Variants in PSD3 observed in about 807,000 individuals in gnomAD.
The protein encoded by PSD3 is pleckstrin and Sec7 domain containing 3.
Under a neutral mutation model 105.5 loss-of-function variants are expected in PSD3, and 49 were observed. The ratio of observed to expected loss-of-function variants is 0.46; its 90% CI spans 0.37 to 0.59. The LOEUF is 0.59. Ranked by LOEUF, PSD3 falls within the 20% of genes least tolerant of loss-of-function variation. The probability of loss-of-function intolerance (pLI) is 0.00; values close to 1 mark genes in which losing one functional copy is unlikely to be tolerated. For missense variants in PSD3, 1,561 were observed against 1,263.8 expected, an observed-to-expected ratio of 1.24 and a Z score of -3.57; for synonymous variants, 557 against 457.8, an observed-to-expected ratio of 1.22 and a Z score of -2.77.
chr8:18,768,211 G>A (rs892686065), intron 8 of PSD3, among the ~76,000 whole-genome samples: 2 of 151,580 alleles, frequency 1.3e-5, no homozygotes, highest in Admixed American at 6.6e-5. Context: ...ACTTGAACCC[G>A]GGAGGTGGAG....
At chr8:18,821,060 T>A (rs1352508986) in intron 4 of PSD3, among the ~76,000 whole-genome samples, 1 of 152,212 alleles carries the variant, frequency 6.6e-6, no homozygotes, top group East Asian at 1.9e-4. Flanking sequence ...AGCCTAACGT[T>A]TAATGTTTAA....
chr8:18,666,616 GGA>G (rs1487251683), intron 9 of PSD3, among the ~76,000 whole-genome samples: 1 of 152,180 alleles, frequency 6.6e-6, no homozygotes, highest in Middle Eastern at 3.4e-3. Flanking sequence ...GGAAGGCCAG[GGA>G]GAGACTCCGG....
intron 9 of PSD3, among the ~76,000 whole-genome samples, chr8:18,693,970 T>C (rs1252189194): frequency 1.3e-5 from 2 of 152,190 alleles, no homozygotes; most frequent in African/African-American, 2.4e-5. Flanking sequence ...TAAGTAGTGA[T>C]GATGGGTAGT....
chr8:18,619,108 C>A (rs936646004), intron 11 of PSD3, among the ~76,000 whole-genome samples: 3 of 152,008 alleles, frequency 2.0e-5, no homozygotes, highest in African/African-American at 7.2e-5. Context: ...ATTCTTAGGT[C>A]TATCTAGTGT....
chr8:18,559,775 A>G (rs1801285937), intron 14 of PSD3, among the ~76,000 whole-genome samples: 4 of 152,134 alleles, frequency 2.6e-5, no homozygotes, highest in Admixed American at 2.6e-4. Context: ...TATTTTAATG[A>G]GGAATACAGG....
chr8:18,958,025 TTAA>T (rs1289710337), intron 1 of PSD3, among the ~76,000 whole-genome samples: 1 of 152,186 alleles, frequency 6.6e-6, no homozygotes, highest in African/African-American at 2.4e-5. Context: ...AACTCAACTC[TTAA>T]TAATTTATTC....
chr8:18,858,418 G>C (rs954898061), intron 4 of PSD3, among the ~76,000 whole-genome samples: 1 of 152,182 alleles, frequency 6.6e-6, no homozygotes. Context: ...GGTGGTGGTT[G>C]CAGAAGGTTG....
chr8:18,678,668 G>A (rs551728442), intron 9 of PSD3, among the ~76,000 whole-genome samples: 16 of 142,122 alleles, frequency 1.1e-4, no homozygotes, highest in South Asian at 9.7e-4. Context: ...AAAATTAGCC[G>A]GACGTGGTGG....
intron 1 of PSD3, among the ~76,000 whole-genome samples, chr8:18,945,117 T>C (rs544286327): frequency 6.6e-6 from 1 of 152,162 alleles, no homozygotes; most frequent in South Asian, 2.1e-4. Context: ...CTCACTGTGG[T>C]AGACTAAATA....
intron 1 of PSD3, among the ~76,000 whole-genome samples, chr8:19,056,321 C>T (rs145703122): frequency 6.6e-6 from 1 of 152,310 alleles, no homozygotes; most frequent in Admixed American, 6.5e-5. Flanking sequence ...TCGAGCCAGT[C>T]AGAAACTGGG....
At chr8:19,072,332 C>G (rs1407315097) in intron 1 of PSD3, among the ~76,000 whole-genome samples, 1 of 149,266 alleles carries the variant, frequency 6.7e-6, no homozygotes. Flanking sequence ...CGTGATCCGC[C>G]CACCTCGGCC....
intron 1 of PSD3, among the ~76,000 whole-genome samples, chr8:19,048,631 G>T (rs888062221): frequency 1.3e-5 from 2 of 151,818 alleles, no homozygotes; most frequent in South Asian, 2.1e-4. Flanking sequence ...GAAATGCTGA[G>T]TTGACAGCCG....
At chr8:18,993,742 G>T (rs1366282512) in intron 1 of PSD3, among the ~76,000 whole-genome samples, 1 of 151,992 alleles carries the variant, frequency 6.6e-6, no homozygotes, top group Non-Finnish European at 1.5e-5. Flanking sequence ...TTAAATCGAA[G>T]ATCAATCAGA....
chr8:18,620,345 T>TTTTG (rs1806019955), intron 11 of PSD3, among the ~76,000 whole-genome samples: 1 of 142,414 alleles, frequency 7.0e-6, no homozygotes, highest in Admixed American at 7.0e-5. Context: ...GGTTTGTGTT[T>TTTTG]TTTTTTTTTT....
intron 4 of PSD3, among the ~76,000 whole-genome samples, chr8:18,850,659 G>A (rs896164205): frequency 2.0e-5 from 3 of 152,134 alleles, no homozygotes; most frequent in African/African-American, 7.2e-5. Flanking sequence ...CAAGGTAAAG[G>A]AGAAGTAGAA....
intron 2 of PSD3, among the ~76,000 whole-genome samples, chr8:18,929,816 A>AG (rs1002656352): frequency 6.7e-6 from 1 of 148,940 alleles, no homozygotes; most frequent in Non-Finnish European, 1.5e-5. Context: ...AGATAATCTC[A>AG]GGGGGAAAAA....
At chr8:18,731,874 T>C (rs940000477) in intron 9 of PSD3, among the ~76,000 whole-genome samples, 1 of 152,206 alleles carries the variant, frequency 6.6e-6, no homozygotes, top group South Asian at 2.1e-4. Context: ...ATGTTTACCC[T>C]AGATCCTTCT....
At chr8:19,039,854 T>C (rs1828064305) in intron 1 of PSD3, among the ~76,000 whole-genome samples, 1 of 152,302 alleles carries the variant, frequency 6.6e-6, no homozygotes, top group Non-Finnish European at 1.5e-5. Context: ...TCATGGGGCT[T>C]ACAGTCTAGT....
At chr8:18,653,374 A>T (rs562504883) in intron 10 of PSD3, among the ~76,000 whole-genome samples, 2 of 152,168 alleles carry the variant, frequency 1.3e-5, no homozygotes, top group Admixed American at 1.3e-4. Context: ...AAAGACAAAA[A>T]AAAAAAGAAA....
Sources: gnomAD v4.1 joint callset for allele counts (sites outside exome capture counted in the v4.1 genomes callset) on GRCh38, gnomAD v4.1.1 for gene constraint, MANE v1.5 for transcripts, NCBI Gene and HGNC (gene_info 2026-07-23, HGNC 2026-07-21) for gene names.